Variants in LOC122513141 observed in about 807,000 individuals in gnomAD.
At chr9:137,219,019 G>A in the LOC122513141 span, 1 of 173,666 alleles carries the variant, frequency 5.8e-6, no homozygotes, top group Admixed American at 6.3e-5. Context: ...AGATACAGCA[G>A]TGAGTCAGTT....
the LOC122513141 span, chr9:137,218,897 G>A: frequency 2.8e-6 from 1 of 357,462 alleles, no homozygotes; most frequent in South Asian, 1.5e-4. Flanking sequence ...AAGTCTGTGA[G>A]CAGGACCCCA....
chr9:137,219,101 C>T, the LOC122513141 span: 1 of 154,166 alleles, frequency 6.5e-6, no homozygotes, highest in Non-Finnish European at 1.4e-5. Context: ...GAAGGTCAGG[C>T]CAGCCGGGGG....
At chr9:137,218,894 T>G in the LOC122513141 span, 1 of 359,364 alleles carries the variant, frequency 2.8e-6, no homozygotes, top group African/African-American at 2.1e-5. Flanking sequence ...GGAAAGTCTG[T>G]GAGCAGGACC....
At chr9:137,218,879 C>T in the LOC122513141 span, 8 of 373,064 alleles carry the variant, frequency 2.1e-5, no homozygotes, top group Admixed American at 2.7e-4. Flanking sequence ...GAGGCCAGCC[C>T]AGCAGGAAAG....
chr9:137,217,581 A>C, the LOC122513141 span: 2 of 167,896 alleles, frequency 1.2e-5, no homozygotes, highest in African/African-American at 2.4e-5. Flanking sequence ...GGCTCCAGCC[A>C]GATCTGGCTG....
the LOC122513141 span, chr9:137,217,952 G>A: frequency 7.5e-6 from 3 of 398,708 alleles, no homozygotes; most frequent in Non-Finnish European, 1.3e-5. Flanking sequence ...GCACCCCCAA[G>A]GTGCTGAGAC....
the LOC122513141 span, chr9:137,218,060 G>C: frequency 2.5e-6 from 1 of 399,440 alleles, no homozygotes. Context: ...AGCAGGGCAG[G>C]GGGAAGAGGA....
At chr9:137,217,781 T>G in the LOC122513141 span, 1 of 394,886 alleles carries the variant, frequency 2.5e-6, no homozygotes, top group Non-Finnish European at 4.5e-6. Context: ...CTATCCTGAC[T>G]CCTGCCCCAG....
At chr9:137,218,555 C>G in the LOC122513141 span, 2 of 399,794 alleles carry the variant, frequency 5.0e-6, no homozygotes, top group East Asian at 3.6e-5. Flanking sequence ...CACGCCGCTC[C>G]TGCTGCTGGG....
chr9:137,217,759 G>A, the LOC122513141 span: 1 of 390,316 alleles, frequency 2.6e-6, no homozygotes, highest in African/African-American at 2.1e-5. Flanking sequence ...CCGCCCTGGG[G>A]TCCCTGTCCT....
the LOC122513141 span, chr9:137,218,160 T>G: frequency 2.5e-6 from 1 of 398,656 alleles, no homozygotes. Context: ...GTGGGCTGCC[T>G]GCACAGGCTG....
the LOC122513141 span, chr9:137,217,796 A>G: frequency 2.0e-5 from 8 of 395,862 alleles, no homozygotes; most frequent in Non-Finnish European, 3.6e-5. Flanking sequence ...CCCCAGGGCC[A>G]CCACCCCTGA....
At chr9:137,218,905 C>G in the LOC122513141 span, 1 of 348,052 alleles carries the variant, frequency 2.9e-6, no homozygotes, top group East Asian at 4.3e-5. Context: ...GAGCAGGACC[C>G]CATTCACCCT....
chr9:137,218,181 C>T, the LOC122513141 span: 2 of 398,376 alleles, frequency 5.0e-6, no homozygotes, highest in Non-Finnish European at 8.8e-6. Context: ...CTGGGCTCGG[C>T]CTCCAGTGCC....
chr9:137,217,739 G>A, the LOC122513141 span: 17 of 376,596 alleles, frequency 4.5e-5, no homozygotes, highest in Non-Finnish European at 7.1e-5. Context: ...CCTGAGGGCC[G>A]CCCCTGTCGC....
the LOC122513141 span, chr9:137,217,683 C>T: frequency 1.0e-5 from 3 of 299,392 alleles, no homozygotes; most frequent in Admixed American, 5.1e-5. Context: ...GAGAGCCAGC[C>T]GGGAGGTCAG....
the LOC122513141 span, chr9:137,217,677 G>A: frequency 7.0e-6 from 2 of 284,744 alleles, no homozygotes; most frequent in South Asian, 1.7e-4. Context: ...AGTGAGGAGA[G>A]CCAGCCGGGA....
At chr9:137,217,609 G>A in the LOC122513141 span, 1 of 190,496 alleles carries the variant, frequency 5.2e-6, no homozygotes, top group Non-Finnish European at 1.1e-5. Context: ...CACCGCGTGG[G>A]CCCAGGATCC....
At chr9:137,218,870 A>C in the LOC122513141 span, 1 of 377,300 alleles carries the variant, frequency 2.7e-6, no homozygotes, top group African/African-American at 2.1e-5. Flanking sequence ...CTCCTGGAGG[A>C]GGCCAGCCCA....
Sources: allele counts gnomAD v4.1 joint callset, GRCh38; gene constraint gnomAD v4.1.1; transcripts MANE v1.5.